Variants in GPC6 observed in about 807,000 individuals in gnomAD.
GPC6 encodes glypican 6.
GPC6 carries 14 observed loss-of-function variants against 55.2 expected under a neutral mutation model. The ratio of observed to expected loss-of-function variants is 0.25; its 90% CI spans 0.17 to 0.40. The LOEUF is 0.40. Among genes scored for constraint, GPC6 ranks in the 10% least tolerant of loss-of-function variants. The probability of loss-of-function intolerance (pLI) is 1.00; values close to 1 mark genes in which losing one functional copy is unlikely to be tolerated. For synonymous variants in GPC6, 278 were observed against 259.6 expected, an observed-to-expected ratio of 1.07 and a Z score of -0.68; for missense variants, 641 against 708.5, an observed-to-expected ratio of 0.90 and a Z score of 1.08.
intron 1 of GPC6, among the ~76,000 whole-genome samples, chr13:93,349,395 C>A (rs1469990163): frequency 6.6e-6 from 1 of 151,926 alleles, no homozygotes; most frequent in South Asian, 2.1e-4. Context: ...CTATAAAAAG[C>A]CTTATTCATT....
chr13:93,913,218 CCTGCTGTATGT>C (rs1877102579), intron 3 of GPC6, among the ~76,000 whole-genome samples: 1 of 152,158 alleles, frequency 6.6e-6, no homozygotes, highest in Non-Finnish European at 1.5e-5. Context: ...TTTCAGTTAT[CCTGCTGTATGT>C]CTGCTGTATG....
At chr13:94,321,637 A>G (rs2139130294) in intron 6 of GPC6, among the ~76,000 whole-genome samples, 1 of 152,188 alleles carries the variant, frequency 6.6e-6, no homozygotes, top group African/African-American at 2.4e-5. Context: ...TTATTTTTTG[A>G]GTTCTCTGTT....
intron 4 of GPC6, among the ~76,000 whole-genome samples, chr13:94,271,269 GC>G (rs1356360549): frequency 6.6e-6 from 1 of 151,608 alleles, no homozygotes; most frequent in Non-Finnish European, 1.5e-5. Flanking sequence ...GGGATTACAG[GC>G]ATGAGCCACC....
intron 2 of GPC6, among the ~76,000 whole-genome samples, chr13:93,766,821 A>G (rs913712522): frequency 2.0e-5 from 3 of 152,152 alleles, no homozygotes; most frequent in Non-Finnish European, 2.9e-5. Flanking sequence ...ACTAAACCAC[A>G]TATATTTAAC....
At chr13:93,293,735 T>A (rs1185734458) in intron 1 of GPC6, among the ~76,000 whole-genome samples, 1 of 152,244 alleles carries the variant, frequency 6.6e-6, no homozygotes, top group African/African-American at 2.4e-5. Context: ...CATTTCATTC[T>A]ATTTTTGCCC....
At chr13:94,175,920 G>C (rs1888734157) in intron 4 of GPC6, among the ~76,000 whole-genome samples, 1 of 133,922 alleles carries the variant, frequency 7.5e-6, no homozygotes, top group Admixed American at 7.7e-5. Flanking sequence ...TTCCCAAAAG[G>C]GAGTATCCAA....
At chr13:93,800,453 T>G (rs1476260282) in intron 2 of GPC6, among the ~76,000 whole-genome samples, 1 of 152,132 alleles carries the variant, frequency 6.6e-6, no homozygotes, top group Non-Finnish European at 1.5e-5. Context: ...GACACAGGAA[T>G]TACTCAGACT....
chr13:93,354,723 G>C (rs1394510450), intron 1 of GPC6, among the ~76,000 whole-genome samples: 1 of 152,044 alleles, frequency 6.6e-6, no homozygotes, highest in Non-Finnish European at 1.5e-5. Flanking sequence ...TAATAACCAA[G>C]GTTGGTTAGA....
In GPC6 at chr13:93,714,331, A is replaced by C. The variant is rs185871069; in HGVS notation, c.320-115823A>C. On this transcript the variant is annotated intron_variant, in intron 2 of 8. Transcript: ENST00000377047. ...TAATCAGCCAACAAACCTATGAAAA[A>C]ATGCCCATCATCACTAGTCATCAGA... Among the ~76,000 whole-genome samples the C allele has an allele frequency of 2.9e-3, 434 of 152,040 alleles. 1 individual carries two copies. Among genetic ancestry groups the C allele is most frequent in the African/African-American group, 9.9e-3 (410 of 41,534 alleles).
chr13:94,141,494 CT>C (rs894936866), intron 4 of GPC6, among the ~76,000 whole-genome samples: 1 of 152,066 alleles, frequency 6.6e-6, no homozygotes, highest in Non-Finnish European at 1.5e-5. Flanking sequence ...AATATTAATG[CT>C]GGTCAGTTGT....
chr13:93,304,829 TGA>T (rs1878801252), intron 1 of GPC6, among the ~76,000 whole-genome samples: 1 of 152,096 alleles, frequency 6.6e-6, no homozygotes, highest in South Asian at 2.1e-4. Context: ...GATGCTATGT[TGA>T]GAGTGGGTGG....
chr13:93,340,653 A>AAGAT lies in GPC6; in HGVS notation c.160+113040_160+113043dup, dbSNP rs1293021225. ...GGGAGAGAGCTTGGTATGCTCAAGG[A>AAGAT]AGATAGGGTCAGGTGAGCTGCAGAA... On this transcript the variant is annotated intron_variant, in intron 1 of 8. Transcript: ENST00000377047. 6.8e-4 allele frequency among the ~76,000 whole-genome samples: 104 copies of AAGAT among 152,242 alleles called. 4 individuals carry two copies. The Middle Eastern group carries it at 0.01, about 15-fold the overall frequency.
rs1304533275 is a variant in GPC6 at position 93,262,999 on chromosome 13, GT to G, written c.160+35390del. Among the ~76,000 whole-genome samples, 9 of 152,288 alleles carry G rather than the reference GT, an allele frequency of 5.9e-5. No homozygotes were observed. In the South Asian group the frequency reaches 1.5e-3, roughly 25 times the overall value. The stretch of plus-strand genomic sequence containing the variant: ...GAGTCTGGGTTTGCTAGCTTTATGG[GT>G]TTTTTTAACAAAGGAGTGCAATATT... On this transcript the variant is annotated intron_variant, in intron 1 of 8. Transcript: ENST00000377047.
At chr13:93,944,174 A>G (rs767481816) in intron 3 of GPC6, among the ~76,000 whole-genome samples, 1 of 6,210 alleles carries the variant, frequency 1.6e-4, no homozygotes, top group Non-Finnish European at 5.3e-4. Context: ...CTTTTATTTT[A>G]TTTATTTATT....
At chr13:93,975,487 C>A (rs1414090635) in intron 3 of GPC6, among the ~76,000 whole-genome samples, 2 of 152,114 alleles carry the variant, frequency 1.3e-5, no homozygotes, top group Non-Finnish European at 2.9e-5. Flanking sequence ...GACTACAAAA[C>A]AGATGCTGTT....
chr13:93,615,577 C>T (rs1363583667), intron 2 of GPC6, among the ~76,000 whole-genome samples: 1 of 152,146 alleles, frequency 6.6e-6, no homozygotes, highest in Non-Finnish European at 1.5e-5. Context: ...ATAGATCACG[C>T]ATCAACATAG....
chr13:93,744,608 C>T (rs186161935), intron 2 of GPC6, among the ~76,000 whole-genome samples: 2 of 136,976 alleles, frequency 1.5e-5, no homozygotes, highest in East Asian at 2.2e-4. Context: ...GTGTTGTCAC[C>T]TCATCTGACA....
intron 5 of GPC6, 28 bp downstream of exon 5, chr13:94,286,507 A>T (rs775012746): frequency 3.1e-6 from 5 of 1,602,268 alleles, no homozygotes; most frequent in East Asian, 2.2e-5. Context: ...GTATCTGCCA[A>T]TACATGTATG....
At chr13:93,454,979 G>A (rs1044100803) in intron 1 of GPC6, among the ~76,000 whole-genome samples, 5 of 152,218 alleles carry the variant, frequency 3.3e-5, no homozygotes, top group African/African-American at 1.2e-4. Flanking sequence ...AGCGTCGGTG[G>A]GTTGGCACTG....
Sources: gnomAD v4.1 joint callset for allele counts (sites outside exome capture counted in the v4.1 genomes callset) on GRCh38, gnomAD v4.1.1 for gene constraint, MANE v1.5 for transcripts, NCBI Gene and HGNC (gene_info 2026-07-23, HGNC 2026-07-21) for gene names.